The following TRAF6 variants were observed in gnomAD, a reference collection of about 807,000 sequenced individuals.
TRAF6 encodes the protein TNF receptor-associated factor 6.
A neutral mutation model predicts 48.4 loss-of-function variants in TRAF6; 10 were observed. The observed-to-expected ratio is 0.21, with a 90% CI of 0.13 to 0.35. The LOEUF (loss-of-function observed/expected upper bound fraction) is 0.35, where lower values mean the gene tolerates loss of function less well. Among genes scored for constraint, TRAF6 ranks in the 10% least tolerant of loss-of-function variants. The probability of loss-of-function intolerance (pLI) is 1.00; values close to 1 mark genes in which losing one functional copy is unlikely to be tolerated. For missense variants in TRAF6, 397 were observed against 661.0 expected (o/e 0.60, Z 4.38); for synonymous variants, 186 against 219.6 (o/e 0.85, Z 1.35).
rs763745942 is a variant in TRAF6 at position 36,498,481 on chromosome 11, C to A, written c.447+9G>T. The A allele has an allele frequency of 6.9e-6, 11 of 1,603,656 alleles. No individual in the cohort carries two copies. In the East Asian group the frequency reaches 2.2e-4, roughly 33 times the overall value. On this transcript the variant is annotated intron_variant, in intron 3 of 6. Coordinates refer to ENST00000526995, the MANE Select transcript of TRAF6 (RefSeq NM_004620.4). ...ACATGTGCTAACAGCTAGAAAAGAA[C>A]TTTAATACCTCAAGATGTCTCAGTT...
intron 1 of TRAF6, among the ~76,000 whole-genome samples, chr11:36,506,037 C>G (rs1303195029): frequency 1.3e-5 from 2 of 151,654 alleles, no homozygotes; most frequent in Non-Finnish European, 2.9e-5. Context: ...CCAAGAATTA[C>G]AAAAATGTGA....
rs1356706348 is a variant in TRAF6 at position 36,501,550 on chromosome 11, C to A, written c.-22-13G>T. ...ATTATCACTTGCTCTGTAGAAATAG[C>A]AAGAAAAAAATGCCTTTATAAGTAA... is the stretch of plus-strand genomic sequence containing the variant. On this transcript the variant is annotated splice_polypyrimidine_tract_variant and intron_variant, in intron 1 of 6. Transcript: ENST00000526995. The A allele has an allele frequency of 1.9e-5, 29 of 1,537,046 alleles. No individual in the cohort carries two copies. In the Admixed American group the frequency reaches 2.8e-4, roughly 15 times the overall value.
At chr11:36,509,532 G>A (rs556362393) in intron 1 of TRAF6, among the ~76,000 whole-genome samples, 1 of 152,230 alleles carries the variant, frequency 6.6e-6, no homozygotes, top group Admixed American at 6.5e-5. Context: ...GGAACGTAAA[G>A]GATTTTTTAA....
intron 1 of TRAF6, among the ~76,000 whole-genome samples, chr11:36,504,396 C>A (rs532591330): frequency 6.6e-6 from 1 of 152,298 alleles, no homozygotes; most frequent in East Asian, 1.9e-4. Flanking sequence ...GGAGTTGATT[C>A]CATCTCAAAA....
At position 36,497,196 on chromosome 11, in the gene TRAF6, T is replaced by C. The variant is rs1394703667; in HGVS notation, c.518A>G (p.His173Arg). The C allele has an allele frequency of 3.1e-6, 5 of 1,614,028 alleles. No homozygotes were observed. Among genetic ancestry groups the C allele is most frequent in the East Asian group, 2.2e-5 (1 of 44,868 alleles). Reference protein sequence around the residue: ...PQCQRPFQKFHINIHILKDCP... With the variant: ...PQCQRPFQKFRINIHILKDCP... Reference sequence around the variant, plus strand: ...ATCCTTCAGAATGTGAATATTAATATGGAATTTTTGGAAGGGACGCTGGCA... The same window carrying C: ...ATCCTTCAGAATGTGAATATTAATACGGAATTTTTGGAAGGGACGCTGGCA... Residue 173 changes from histidine to arginine, a missense_variant, in exon 4 of 7, where the codon CAT becomes CGT. By Grantham distance (29) the His-to-Arg change is conservative. This residue lies in a region of TRAF6 where 245 missense variants were observed against 349.1 expected (regional missense o/e 0.70). Transcript: ENST00000526995.
intron 6 of TRAF6, among the ~76,000 whole-genome samples, chr11:36,491,855 T>C (rs1859568172): frequency 6.6e-6 from 1 of 152,236 alleles, no homozygotes; most frequent in African/African-American, 2.4e-5. Context: ...TGCATGTCAG[T>C]CATCCCACCT....
chr11:36,496,126 A>G (rs1590638188), intron 4 of TRAF6, among the ~76,000 whole-genome samples: 1 of 152,220 alleles, frequency 6.6e-6, no homozygotes, highest in African/African-American at 2.4e-5. Context: ...TTATTTTATA[A>G]AAGTATACAT....
At chr11:36,491,851 T>C (rs1254431263) in intron 6 of TRAF6, among the ~76,000 whole-genome samples, 3 of 152,244 alleles carry the variant, frequency 2.0e-5, no homozygotes, top group Admixed American at 6.5e-5. Flanking sequence ...ATAATGCATG[T>C]CAGTCATCCC....
rs1367521168 is a variant in TRAF6 at position 36,485,757 on chromosome 11, G to A, written c.*4081C>T. Among the ~76,000 whole-genome samples the A allele has an allele frequency of 6.6e-6, 1 of 152,104 alleles. No individual in the cohort carries two copies. Among genetic ancestry groups the A allele is most frequent in the Non-Finnish European group, 1.5e-5 (1 of 68,026 alleles). The stretch of plus-strand genomic sequence containing the variant: ...CAAGTGTCCGTTTTTGACTGAAAGT[G>A]AAGGCTGTAATTGAGTGTCACAGTC... On this transcript the variant is annotated 3_prime_UTR_variant, in exon 7 of 7. Coordinates refer to ENST00000526995, the MANE Select transcript of TRAF6 (RefSeq NM_004620.4).
At chr11:36,497,335 T>C (rs1465876242) in intron 3 of TRAF6, 69 bp from the exon 4 acceptor site, 6 of 1,416,534 alleles carry the variant, frequency 4.2e-6, no homozygotes, top group Non-Finnish European at 5.7e-6. Context: ...GCTCTCCTAA[T>C]CATATACTGT....
At chr11:36,496,082 A>T (rs1859627936) in intron 4 of TRAF6, among the ~76,000 whole-genome samples, 1 of 152,246 alleles carries the variant, frequency 6.6e-6, no homozygotes, top group Non-Finnish European at 1.5e-5. Flanking sequence ...GGAAGTATCT[A>T]AGTAACAGAA....
chr11:36,509,144 G>A (rs1200312718), intron 1 of TRAF6, among the ~76,000 whole-genome samples: 4 of 152,290 alleles, frequency 2.6e-5, no homozygotes, highest in East Asian at 3.9e-4. Flanking sequence ...GGCCAACACA[G>A]AATTTCTTTA....
rs1564962932 is a variant in TRAF6, at chr11:36,485,491, T to C, written c.*4347A>G. The stretch of plus-strand genomic sequence containing the variant: ...GTGGGACAGCACCTACCTTCAGAGC[T>C]GCAGACAGTAAGAGCAGAGGCACAT... On this transcript the variant is annotated 3_prime_UTR_variant, in exon 7 of 7. Coordinates refer to ENST00000526995, the MANE Select transcript of TRAF6 (RefSeq NM_004620.4). Among the ~76,000 whole-genome samples the C allele has an allele frequency of 6.6e-6, 1 of 152,112 alleles. No homozygotes were observed. Among genetic ancestry groups the C allele is most frequent in the Non-Finnish European group, 1.5e-5 (1 of 68,040 alleles).
intron 6 of TRAF6, 22 bp downstream of exon 6, chr11:36,492,528 AT>A: frequency 6.4e-7 from 1 of 1,569,316 alleles, no homozygotes; most frequent in Non-Finnish European, 8.7e-7. Context: ...ATATTCAAGA[AT>A]TAAAAGAAAA....
Position 36,486,439 on chromosome 11 carries a change from C to T in TRAF6, c.*3399G>A, listed in dbSNP as rs1268700946. ...TGTTCCTCTGTAAAAATAATGCATT[C>T]TAACTGTATACATAATTCATAAGCA... On this transcript the variant is annotated 3_prime_UTR_variant, in exon 7 of 7. Coordinates refer to ENST00000526995, the MANE Select transcript of TRAF6 (RefSeq NM_004620.4). 6.6e-6 allele frequency among the ~76,000 whole-genome samples: 1 copy of T among 152,074 alleles called. No homozygotes were observed. Among genetic ancestry groups the T allele is most frequent in the Non-Finnish European group, 1.5e-5 (1 of 68,032 alleles).
chr11:36,493,886 A>C (rs1310179393), intron 5 of TRAF6, among the ~76,000 whole-genome samples: 1 of 152,254 alleles, frequency 6.6e-6, no homozygotes. Flanking sequence ...TAAGGTTAAC[A>C]AACTTGTCCA....
At chr11:36,499,701 T>C (rs952053349) in intron 2 of TRAF6, among the ~76,000 whole-genome samples, 38 of 152,334 alleles carry the variant, frequency 2.5e-4, no homozygotes, top group African/African-American at 8.9e-4. Context: ...ACAGCAGACA[T>C]TATCTTTTGT....
chr11:36,503,025 AC>A (rs1859737592), intron 1 of TRAF6, among the ~76,000 whole-genome samples: 1 of 152,198 alleles, frequency 6.6e-6, no homozygotes, highest in Non-Finnish European at 1.5e-5. Context: ...TAAGTAACTT[AC>A]CTAAGATTAC....
chr11:36,501,209 T>G lies in TRAF6; in HGVS notation c.296+11A>C. On this transcript the variant is annotated intron_variant, in intron 2 of 6. Transcript: ENST00000526995. Reference sequence around the variant, plus strand: ...TGTTATAGGACACCATTTTTTCTTATGCTCACGTACCTTATTGATTTTATG... The same window carrying G: ...TGTTATAGGACACCATTTTTTCTTAGGCTCACGTACCTTATTGATTTTATG... The G allele has an allele frequency of 6.4e-7, 1 of 1,557,894 alleles. No individual in the cohort carries two copies. Among genetic ancestry groups the G allele is most frequent in the Non-Finnish European group, 8.7e-7 (1 of 1,147,418 alleles).
Sources: allele counts gnomAD v4.1 joint callset (sites outside exome capture counted in the v4.1 genomes callset), GRCh38; gene constraint gnomAD v4.1.1; regional missense constraint gnomAD v4.1.1; transcripts MANE v1.5; gene names NCBI Gene and HGNC (gene_info 2026-07-23, HGNC 2026-07-21).